The following CD70 variants were observed in gnomAD, a reference collection of about 807,000 sequenced individuals.
CD70 encodes the protein CD70 antigen.
CD70 carries 6 observed loss-of-function variants against 9.0 expected under a neutral mutation model. The observed-to-expected ratio is 0.67, with a 90% CI of 0.37 to 1.32. The LOEUF (loss-of-function observed/expected upper bound fraction) is 1.32, where lower values mean the gene tolerates loss of function less well. CD70 is among the 40% of genes most tolerant of loss of function. The pLI is 0.02. For synonymous variants in CD70, 108 were observed against 112.3 expected, an observed-to-expected ratio of 0.96 and a Z score of 0.24; for missense variants, 235 against 258.7, an observed-to-expected ratio of 0.91 and a Z score of 0.63.
chr19:6,588,932 T>C (rs1480456338), intron 2 of CD70, among the ~76,000 whole-genome samples: 1 of 152,182 alleles, frequency 6.6e-6, no homozygotes, highest in East Asian at 1.9e-4. Flanking sequence ...GATGTATAAT[T>C]AGTGCTTGTA....
At chr19:6,587,657 G>A (rs1274987863) in intron 2 of CD70, among the ~76,000 whole-genome samples, 1 of 151,920 alleles carries the variant, frequency 6.6e-6, no homozygotes, top group Non-Finnish European at 1.5e-5. Context: ...CCCGCTGGTT[G>A]AGTGTGTGTC....
In CD70 at chr19:6,590,240, T is replaced by C; in HGVS notation, c.163-104A>G. 1 of 867,260 alleles carries C rather than the reference T, an allele frequency of 1.2e-6. No homozygotes were observed. The highest frequency in any genetic ancestry group is 2.4e-5 in the East Asian group (1 of 41,130). The allele number at this position is 867,260 out of a possible 1,614,324, so 53.7% of individuals were successfully genotyped here. A position where few individuals can be genotyped will look rare whatever the true frequency, so the allele number is the denominator to read the frequency against. ...TTCTCTGTCCATCCTCCTTTCCACC[T>C]CTCATCCCACGGCGCGCACTGGTGA... is the stretch of plus-strand genomic sequence containing the variant. On this transcript the variant is annotated intron_variant, in intron 1 of 2. Transcript: ENST00000245903. This position sits in a 1 kb window ranked among gnomAD's most constrained non-coding sequence, Gnocchi z 5.3.
rs2145325234 is a variant in CD70, at chr19:6,590,781, C to T, written c.162+60G>A. 1 of 1,426,286 alleles carries T rather than the reference C, an allele frequency of 7.0e-7. No individual in the cohort carries two copies. Among genetic ancestry groups the T allele is most frequent in the Non-Finnish European group, 9.8e-7 (1 of 1,019,868 alleles). The allele number at this position is 1,426,286 out of a possible 1,614,324, so 88.4% of individuals were successfully genotyped here. A position where few individuals can be genotyped will look rare whatever the true frequency, so the allele number is the denominator to read the frequency against. ...CTGGCCTCTTTGTACCCATCTCATT[C>T]TGTCTTTTCGGTCACGCGCCTCTCT... On this transcript the variant is annotated intron_variant, in intron 1 of 2. Coordinates refer to ENST00000245903, the MANE Select transcript of CD70 (RefSeq NM_001252.5). The surrounding 1 kb of genome is among the most constrained non-coding windows in gnomAD (Gnocchi z 5.3).
At chr19:6,582,187 C>A (rs1214377089), downstream of CD70, among the ~76,000 whole-genome samples, 1 of 141,722 alleles carries the variant, frequency 7.1e-6, no homozygotes, top group Non-Finnish European at 1.5e-5. Context: ...CGCTGCCACG[C>A]CTGGCTAATT....
Position 6,590,005 on chromosome 19 carries a change from C to T in CD70, c.196+98G>A. 1.1e-6 allele frequency: 1 copy of T among 920,770 alleles called. No homozygotes were observed. The highest frequency in any genetic ancestry group is 1.7e-6 in the Non-Finnish European group (1 of 585,970). 57.0% of individuals were successfully genotyped at this position (920,770 alleles called of 1,614,324 possible). A position where few individuals can be genotyped will look rare whatever the true frequency, so the allele number is the denominator to read the frequency against. The stretch of plus-strand genomic sequence containing the variant: ...TCTCTCCCTCCGTCTCTGTCTGTGT[C>T]TCTTTCTCTCTGTCTCTCCCCACTT... On this transcript the variant is annotated intron_variant, in intron 2 of 2. Transcript: ENST00000245903. This position sits in a 1 kb window ranked among gnomAD's most constrained non-coding sequence, Gnocchi z 5.3.
downstream of CD70, among the ~76,000 whole-genome samples, chr19:6,583,855 T>A (rs1279158202): frequency 1.4e-5 from 2 of 147,740 alleles, no homozygotes; most frequent in African/African-American, 5.0e-5. Context: ...TGCAATGACA[T>A]GATCTTGGCT....
downstream of CD70, among the ~76,000 whole-genome samples, chr19:6,582,087 T>C (rs912472989): frequency 3.3e-5 from 5 of 151,072 alleles, no homozygotes; most frequent in African/African-American, 1.2e-4. Context: ...TGGAGTACAG[T>C]GGCTCGATCT....
Position 6,591,020 on chromosome 19 carries a change from C to A in CD70, c.-18G>T. 6.3e-7 allele frequency: 1 copy of A among 1,582,278 alleles called. No homozygotes were observed. Among genetic ancestry groups the A allele is most frequent in the Admixed American group, 1.8e-5 (1 of 56,496 alleles). ...TCCGGCATCGCCGCGGCGATCACCT[C>A]CGCTAGCGCAGGAGGGGCGATGGGG... is the stretch of plus-strand genomic sequence containing the variant. On this transcript the variant is annotated 5_prime_UTR_variant, in exon 1 of 3. Transcript: ENST00000245903.
chr19:6,584,242 G>A (rs1175754299), downstream of CD70, among the ~76,000 whole-genome samples: 4 of 150,164 alleles, frequency 2.7e-5, no homozygotes, highest in Non-Finnish European at 4.4e-5. Context: ...AGGCGCGGTG[G>A]CTCACAACTG....
At chr19:6,583,554 T>TTA, downstream of CD70, 1 of 32,250 alleles carries the variant, frequency 3.1e-5, no homozygotes, top group Non-Finnish European at 6.0e-5. Flanking sequence ...AATTGTAGTC[T>TTA]TTTTTTTTTT....
intron 2 of CD70, among the ~76,000 whole-genome samples, chr19:6,587,537 C>T (rs1211991378): frequency 6.6e-6 from 1 of 151,862 alleles, no homozygotes; most frequent in Non-Finnish European, 1.5e-5. Flanking sequence ...CACGAGACAG[C>T]GCGCAAGAGA....
chr19:6,582,733 T>C (rs1915943208), downstream of CD70, among the ~76,000 whole-genome samples: 1 of 152,186 alleles, frequency 6.6e-6, no homozygotes, highest in Admixed American at 6.5e-5. Context: ...ATGGTGTATA[T>C]GTGCCACATT....
intron 2 of CD70, among the ~76,000 whole-genome samples, chr19:6,588,974 G>A (rs770717756): frequency 3.3e-5 from 5 of 152,172 alleles, no homozygotes; most frequent in Non-Finnish European, 7.3e-5. Flanking sequence ...CCTTTCCTGT[G>A]AGCGTTTTCG....
chr19:6,586,419 G>T lies in CD70; in HGVS notation c.197-14C>A. The T allele has an allele frequency of 6.3e-7, 1 of 1,591,754 alleles. No individual in the cohort carries two copies. Among genetic ancestry groups the T allele is most frequent in the Non-Finnish European group, 8.6e-7 (1 of 1,168,816 alleles). On this transcript the variant is annotated splice_polypyrimidine_tract_variant and intron_variant, in intron 2 of 2. Coordinates refer to ENST00000245903, the MANE Select transcript of CD70 (RefSeq NM_001252.5). Reference sequence around the variant, plus strand: ...CCTGCTGAGGTCCTGGGGGCACAGGGTTAGAGGGATGAGAGGATGGAGGTT... The same window carrying T: ...CCTGCTGAGGTCCTGGGGGCACAGGTTTAGAGGGATGAGAGGATGGAGGTT...
chr19:6,586,613 A>G (rs886554818), intron 2 of CD70, among the ~76,000 whole-genome samples: 11 of 152,148 alleles, frequency 7.2e-5, no homozygotes, highest in Admixed American at 2.6e-4. Context: ...AGCCTGGACA[A>G]CAGGGCGAGA....
intron 2 of CD70, 122 bp from the exon 3 acceptor site, chr19:6,586,527 G>C: frequency 9.0e-7 from 1 of 1,107,860 alleles, no homozygotes; most frequent in Non-Finnish European, 1.2e-6. Context: ...GGTTGGACGT[G>C]GTGGCTCATG....
At chr19:6,583,551 GTCT>G, downstream of CD70, 4 of 405,584 alleles carry the variant, frequency 9.9e-6, no homozygotes, top group Admixed American at 9.7e-5. Context: ...GTTAATTGTA[GTCT>G]TTTTTTTTTT....
chr19:6,586,005 A>G lies in CD70; in HGVS notation c.*15T>C. The G allele has an allele frequency of 2.6e-6, 4 of 1,568,558 alleles. No homozygotes were observed. Among genetic ancestry groups the G allele is most frequent in the Non-Finnish European group, 3.5e-6 (4 of 1,154,980 alleles). On this transcript the variant is annotated 3_prime_UTR_variant, in exon 3 of 3. Transcript: ENST00000245903. Reference sequence around the variant, plus strand: ...AATAAAATAAAATTTAAAAAACCCTAATCAGCAGCAGTGGTCAGGGGCGCA... The same window carrying G: ...AATAAAATAAAATTTAAAAAACCCTGATCAGCAGCAGTGGTCAGGGGCGCA...
downstream of CD70, among the ~76,000 whole-genome samples, chr19:6,581,711 A>T (rs1915921095): frequency 6.6e-6 from 1 of 152,150 alleles, no homozygotes; most frequent in Non-Finnish European, 1.5e-5. Context: ...AGATTAATGT[A>T]AGTTAGTTTA....
Sources: gnomAD v4.1 joint callset for allele counts (sites outside exome capture counted in the v4.1 genomes callset) on GRCh38, gnomAD v4.1.1 for gene constraint, Gnocchi (gnomAD v3.1) non-coding constraint, MANE v1.5 for transcripts, NCBI Gene and HGNC (gene_info 2026-07-23, HGNC 2026-07-21) for gene names.